CACNA1E: variants seen among roughly 807,000 people sequenced by gnomAD.
CACNA1E encodes voltage-dependent R-type calcium channel subunit alpha-1E.
Under a neutral mutation model 259.2 loss-of-function variants are expected in CACNA1E, and 40 were observed. The observed-to-expected ratio is 0.15, with a 90% CI of 0.12 to 0.20. The LOEUF (loss-of-function observed/expected upper bound fraction) is 0.20, where lower values mean the gene tolerates loss of function less well. Ranked by LOEUF, CACNA1E falls within the 10% of genes least tolerant of loss-of-function variation. CACNA1E has a pLI of 1.00. For missense variants in CACNA1E, 1,874 were observed against 3,040.1 expected (o/e 0.62, Z 9.02); for synonymous variants, 1,104 against 1,138.5 (o/e 0.97, Z 0.61).
intron 1 of CACNA1E, among the ~76,000 whole-genome samples, chr1:181,369,379 A>G (rs1654518441): frequency 3.9e-5 from 6 of 152,220 alleles, no homozygotes; most frequent in Admixed American, 3.9e-4. Flanking sequence ...CTGTGGTGTC[A>G]CGAGCCTTGC....
intron 2 of CACNA1E, among the ~76,000 whole-genome samples, chr1:181,424,908 C>T (rs1306401100): frequency 1.3e-5 from 2 of 152,126 alleles, no homozygotes; most frequent in African/African-American, 2.4e-5. Flanking sequence ...TCTCTCCCAC[C>T]CTGCCCTTGC....
intron 3 of CACNA1E, among the ~76,000 whole-genome samples, chr1:181,546,342 A>C (rs1358437339): frequency 6.6e-6 from 1 of 152,148 alleles, no homozygotes; most frequent in Non-Finnish European, 1.5e-5. Flanking sequence ...CCTCTGCCTT[A>C]TGGAGTGATG....
intron 2 of CACNA1E, among the ~76,000 whole-genome samples, chr1:181,468,689 C>T (rs539831668): frequency 6.6e-6 from 1 of 152,238 alleles, no homozygotes. Flanking sequence ...AGAGAGATCA[C>T]TTTTGTCATA....
chr1:181,510,856 C>T (rs763722907), intron 2 of CACNA1E, among the ~76,000 whole-genome samples: 10 of 152,140 alleles, frequency 6.6e-5, no homozygotes, highest in African/African-American at 9.7e-5. Context: ...ACTTCTGATA[C>T]GAGAGGAAGA....
chr1:181,432,881 G>A (rs902032671), intron 2 of CACNA1E, among the ~76,000 whole-genome samples: 2 of 151,996 alleles, frequency 1.3e-5, no homozygotes, highest in Non-Finnish European at 2.9e-5. Context: ...AAAGCAAAAG[G>A]AAACAAGTAA....
intron 2 of CACNA1E, among the ~76,000 whole-genome samples, chr1:181,445,564 A>G (rs1026901399): frequency 6.6e-5 from 10 of 152,198 alleles, no homozygotes; most frequent in Admixed American, 2.0e-4. Flanking sequence ...AGTCCTCCCC[A>G]ACTTCATGTC....
chr1:181,532,178 CAA>C (rs1465973074), intron 3 of CACNA1E, among the ~76,000 whole-genome samples: 1 of 152,194 alleles, frequency 6.6e-6, no homozygotes. Context: ...ATCATTTAGC[CAA>C]TTAAGTTGGA....
chr1:181,766,637 TG>T, intron 35 of CACNA1E, 26 bp downstream of exon 35: 4 of 1,559,320 alleles, frequency 2.6e-6, no homozygotes, highest in South Asian at 1.1e-5. Context: ...AAGGGCCCGG[TG>T]GGGGACAGCT....
intron 39 of CACNA1E, among the ~76,000 whole-genome samples, chr1:181,782,743 A>C (rs1432904897): frequency 1.3e-5 from 2 of 152,116 alleles, no homozygotes; most frequent in Non-Finnish European, 2.9e-5. Context: ...CATTCCCCCC[A>C]GTACATGGCT....
chr1:181,687,618 T>C (rs553174950), intron 7 of CACNA1E, among the ~76,000 whole-genome samples: 1 of 152,304 alleles, frequency 6.6e-6, no homozygotes, highest in African/African-American at 2.4e-5. Context: ...AGAAGGGGCA[T>C]TGGGACAAAT....
chr1:181,506,841 G>A (rs1665749238), intron 1 of CACNA1E, among the ~76,000 whole-genome samples: 1 of 151,454 alleles, frequency 6.6e-6, no homozygotes, highest in Admixed American at 6.6e-5. Context: ...GGCAGACTTG[G>A]ATGGTCTCTT....
At chr1:181,513,961 G>T (rs1666356056) in intron 3 of CACNA1E, among the ~76,000 whole-genome samples, 3 of 152,120 alleles carry the variant, frequency 2.0e-5, no homozygotes, top group Non-Finnish European at 4.4e-5. Context: ...ACAGGACTTT[G>T]CTCCTGCTCC....
At chr1:181,565,690 A>G (rs139581078) in intron 3 of CACNA1E, among the ~76,000 whole-genome samples, 104 of 152,338 alleles carry the variant, frequency 6.8e-4, no homozygotes, top group African/African-American at 1.9e-3. Context: ...CAATAGGTGT[A>G]CATTCTTTGT....
At chr1:181,679,803 A>G (rs555687480) in intron 7 of CACNA1E, among the ~76,000 whole-genome samples, 3 of 152,268 alleles carry the variant, frequency 2.0e-5, no homozygotes, top group African/African-American at 7.2e-5. Context: ...TGACAAATCC[A>G]TGTTCAGAAG....
At chr1:181,670,679 A>C (rs1648700851) in intron 7 of CACNA1E, among the ~76,000 whole-genome samples, 1 of 152,122 alleles carries the variant, frequency 6.6e-6, no homozygotes, top group South Asian at 2.1e-4. Context: ...AGCTGACCAG[A>C]CCAAAAGAGG....
chr1:181,725,315 C>CA (rs1450481183), intron 17 of CACNA1E, among the ~76,000 whole-genome samples: 1 of 152,206 alleles, frequency 6.6e-6, no homozygotes, highest in African/African-American at 2.4e-5. Flanking sequence ...CTGAGTCCCA[C>CA]ACCTGCCATT....
chr1:181,741,761 C>T (rs556787929), intron 25 of CACNA1E, among the ~76,000 whole-genome samples: 2 of 152,154 alleles, frequency 1.3e-5, no homozygotes, highest in African/African-American at 2.4e-5. Context: ...TGAAACATGG[C>T]GGTGGTGGCT....
At chr1:181,393,979 T>A (rs1167728937) in intron 1 of CACNA1E, among the ~76,000 whole-genome samples, 1 of 152,142 alleles carries the variant, frequency 6.6e-6, no homozygotes, top group Non-Finnish European at 1.5e-5. Context: ...TGCCTGAACC[T>A]GGGGATAGGA....
At chr1:181,726,817 G>C (rs1654948953) in intron 18 of CACNA1E, among the ~76,000 whole-genome samples, 1 of 152,136 alleles carries the variant, frequency 6.6e-6, no homozygotes, top group Admixed American at 6.5e-5. Context: ...GTAGGTGAGA[G>C]GTAATGGGGG....
Sources: allele counts gnomAD v4.1 joint callset (sites outside exome capture counted in the v4.1 genomes callset), GRCh38; gene constraint gnomAD v4.1.1; transcripts MANE v1.5; gene names NCBI Gene and HGNC (gene_info 2026-07-23, HGNC 2026-07-21).